Variants in SEMA3F observed in about 807,000 individuals in gnomAD.
SEMA3F encodes the protein semaphorin-3F.
SEMA3F carries 30 observed loss-of-function variants against 98.5 expected under a neutral mutation model. The observed-to-expected ratio is 0.30, with a 90% CI of 0.23 to 0.41. The LOEUF (loss-of-function observed/expected upper bound fraction) is 0.41, where lower values mean the gene tolerates loss of function less well. Ranked by LOEUF, SEMA3F falls within the 10% of genes least tolerant of loss-of-function variation. The probability of loss-of-function intolerance (pLI) is 1.00; values close to 1 mark genes in which losing one functional copy is unlikely to be tolerated. For synonymous variants in SEMA3F, 380 were observed against 444.8 expected (o/e 0.85, Z 1.83); for missense variants, 866 against 1,119.3 (o/e 0.77, Z 3.23).
At chr3:50,179,277 G>A (rs1286550388) in intron 7 of SEMA3F, among the ~76,000 whole-genome samples, 2 of 151,802 alleles carry the variant, frequency 1.3e-5, no homozygotes, top group African/African-American at 2.4e-5. Flanking sequence ...CTTGATAGCC[G>A]TGAAAATCCT....
rs749041584 is a variant in SEMA3F at position 50,187,857 on chromosome 3, C to T, written c.2100C>T (p.Asp700=). 6.2e-6 allele frequency: 10 copies of T among 1,613,204 alleles called. No individual in the cohort carries two copies. Among genetic ancestry groups the T allele is most frequent in the Middle Eastern group, 1.6e-4 (1 of 6,084 alleles). ...TGCAGCTGCATGTACTGGGCCGGGA[C>T]GCCGTCCATGCTGCCCTCTTCCCAC... The part of the protein sequence containing the change: ...TRVQLHVLGR[D]AVHAALFPPL... The change falls in exon 19 of 19, where the codon GAC becomes GAT. Residue 700 remains aspartate (D), a synonymous_variant. Transcript: ENST00000002829.
At chr3:50,170,144 A>C (rs1232951319) in intron 2 of SEMA3F, among the ~76,000 whole-genome samples, 2 of 152,130 alleles carry the variant, frequency 1.3e-5, no homozygotes, top group East Asian at 3.9e-4. Context: ...GAGTGGGGTC[A>C]GAAGTCCAGC....
Position 50,188,002 on chromosome 3 carries a change from T to C in SEMA3F, c.2245T>C (p.Tyr749His). 1.2e-6 allele frequency: 2 copies of C among 1,605,098 alleles called. No individual in the cohort carries two copies. Among genetic ancestry groups the C allele is most frequent in the South Asian group, 2.2e-5 (2 of 89,736 alleles). The change falls in exon 19 of 19, where the codon TAC (tyrosine) becomes CAC (histidine). Residue 749 changes from tyrosine to histidine, a missense_variant. By Grantham distance (83) the Tyr-to-His change is moderately conservative. Coordinates refer to ENST00000002829, the MANE Select transcript of SEMA3F (RefSeq NM_004186.5). The surrounding 1 kb of genome is among the most constrained non-coding windows in gnomAD (Gnocchi z 4.5). ...VGLIHQYCQG[Y>H]WRHVPPSPRE... ...CCTCATCCACCAGTACTGCCAGGGT[T>C]ACTGGCGCCATGTGCCCCCCAGCCC...
intron 2 of SEMA3F, among the ~76,000 whole-genome samples, chr3:50,160,468 G>A (rs530551573): frequency 2.6e-5 from 4 of 152,314 alleles, no homozygotes; most frequent in African/African-American, 9.6e-5. Flanking sequence ...ACAGGTGCAC[G>A]CACACGGTAC....
Position 50,158,413 on chromosome 3 carries a change from G to A in SEMA3F, c.-48-1162G>A, listed in dbSNP as rs376941020. ...CTTGGCAGGAGAGGCCAGGGCTGGG[G>A]GAGGTGGGTCTAGGGATGTCATCAG... On this transcript the variant is annotated intron_variant, in intron 1 of 18. Coordinates refer to ENST00000002829, the MANE Select transcript of SEMA3F (RefSeq NM_004186.5). The surrounding 1 kb of genome is among the most constrained non-coding windows in gnomAD (Gnocchi z 4.8). Among the ~76,000 whole-genome samples, 33 of 152,378 alleles carry A rather than the reference G, an allele frequency of 2.2e-4. No individual in the cohort carries two copies. The East Asian group carries it at 6.0e-3, about 28-fold the overall frequency.
rs997788756 is a variant in SEMA3F, at chr3:50,173,687, G to C, written c.113-106G>C. On this transcript the variant is annotated intron_variant, in intron 2 of 18. Coordinates refer to ENST00000002829, the MANE Select transcript of SEMA3F (RefSeq NM_004186.5). ...AAAGAAAAAAGACCACTCTGTGGTG[G>C]GGGTCCTGAGGGGAACCTCAGGGCC... 6.7e-5 allele frequency: 58 copies of C among 869,534 alleles called. 1 individual carries two copies. Among genetic ancestry groups the C allele is most frequent in the Non-Finnish European group, 9.8e-5 (54 of 550,342 alleles). The allele number at this position is 869,534 out of a possible 1,614,324, so 53.9% of individuals were successfully genotyped here. A position where few individuals can be genotyped will look rare whatever the true frequency, so the allele number is the denominator to read the frequency against.
At chr3:50,165,129 T>G (rs187468012) in intron 2 of SEMA3F, among the ~76,000 whole-genome samples, 45 of 152,080 alleles carry the variant, frequency 3.0e-4, no homozygotes, top group Non-Finnish European at 5.6e-4. Context: ...GGAGGAAAAT[T>G]CCTACCATGG....
intron 2 of SEMA3F, among the ~76,000 whole-genome samples, chr3:50,169,932 C>T (rs979144154): frequency 6.6e-6 from 1 of 152,182 alleles, no homozygotes; most frequent in Admixed American, 6.5e-5. Context: ...ACTTGCCCAC[C>T]CCCTGCTCTG....
Position 50,174,215 on chromosome 3 carries a change from T to C in SEMA3F, c.337-16T>C. On this transcript the variant is annotated splice_polypyrimidine_tract_variant and intron_variant, in intron 4 of 18. Coordinates refer to ENST00000002829, the MANE Select transcript of SEMA3F (RefSeq NM_004186.5). The stretch of plus-strand genomic sequence containing the variant: ...GCCTGGCCAGGGCACCTATGCAGCC[T>C]TCCCTGTGGCCCCAGGGCGAGTGTG... 7.4e-6 allele frequency: 12 copies of C among 1,613,674 alleles called. No individual in the cohort carries two copies. Among genetic ancestry groups the C allele is most frequent in the Non-Finnish European group, 1.0e-5 (12 of 1,179,872 alleles).
chr3:50,184,704 A>G lies in SEMA3F; in HGVS notation c.1346A>G (p.Gln449Arg). 1.7e-5 allele frequency: 27 copies of G among 1,614,150 alleles called. No homozygotes were observed. Among genetic ancestry groups the G allele is most frequent in the Non-Finnish European group, 2.1e-5 (25 of 1,179,968 alleles). Residue 449 changes from glutamine (Q) to arginine (R), a missense_variant, in exon 13 of 19, where the codon CAG (glutamine) becomes CGG (arginine). Around this residue, in one of 3 missense-constraint regions of SEMA3F, gnomAD observed 374 missense variants for 582.8 expected, o/e 0.64. Coordinates refer to ENST00000002829, the MANE Select transcript of SEMA3F (RefSeq NM_004186.5). ...ATGTACCAGGCCGTGTACCCTCTGCAGCGGCGGCCCCTGGTAGTCCGCACA... is the reference window on the plus strand; with the variant it reads ...ATGTACCAGGCCGTGTACCCTCTGCGGCGGCGGCCCCTGGTAGTCCGCACA... ...PLMYQAVYPLQRRPLVVRTGA... is the reference protein window; with the variant it reads ...PLMYQAVYPLRRRPLVVRTGA...
chr3:50,182,562 C>A lies in SEMA3F; in HGVS notation c.764-82C>A. The A allele has an allele frequency of 6.3e-7, 1 of 1,582,804 alleles. No homozygotes were observed. Among genetic ancestry groups the A allele is most frequent in the Non-Finnish European group, 8.6e-7 (1 of 1,159,806 alleles). ...TGGAGAGGAGTTGGGGGTGTTCTTGCACCTGGCTGGGGATTCTGTTGGAGA... is the reference window on the plus strand; with the variant it reads ...TGGAGAGGAGTTGGGGGTGTTCTTGAACCTGGCTGGGGATTCTGTTGGAGA... On this transcript the variant is annotated intron_variant, in intron 8 of 18. Transcript: ENST00000002829. The surrounding 1 kb of genome is among the most constrained non-coding windows in gnomAD (Gnocchi z 4.5).
In SEMA3F at chr3:50,182,622, A is replaced by G. The variant is rs758726197; in HGVS notation, c.764-22A>G. 1.2e-6 allele frequency: 2 copies of G among 1,608,218 alleles called. No individual in the cohort carries two copies. The highest frequency in any genetic ancestry group is 3.3e-5 in the Admixed American group (2 of 59,916). On this transcript the variant is annotated intron_variant, in intron 8 of 18. Transcript: ENST00000002829. This position sits in a 1 kb window ranked among gnomAD's most constrained non-coding sequence, Gnocchi z 4.5. ...GCACCATCAGAGTAGGGGCTCACCCAGCTGACCCCTGCCACCTGCAGACCC... is the reference window on the plus strand; with the variant it reads ...GCACCATCAGAGTAGGGGCTCACCCGGCTGACCCCTGCCACCTGCAGACCC...
rs1342922122 is a variant in SEMA3F at position 50,166,912 on chromosome 3, G to C, written c.113-6881G>C. On this transcript the variant is annotated intron_variant, in intron 2 of 18. Transcript: ENST00000002829. This position sits in a 1 kb window ranked among gnomAD's most constrained non-coding sequence, Gnocchi z 4.7. ...GGTCTGGAATGTGGGAGGAGGAGGT[G>C]GGTCCCCCGGGGGCCTCTGAAACTG... 1.3e-5 allele frequency among the ~76,000 whole-genome samples: 2 copies of C among 151,994 alleles called. No individual in the cohort carries two copies. The highest frequency in any genetic ancestry group is 4.8e-5 in the African/African-American group (2 of 41,372).
chr3:50,177,381 G>A (rs569534252), intron 7 of SEMA3F, among the ~76,000 whole-genome samples: 35 of 152,316 alleles, frequency 2.3e-4, no homozygotes, highest in Middle Eastern at 3.4e-3. Context: ...TCCTGCCGGG[G>A]TCTCAGGAGC....
chr3:50,164,024 A>G lies in SEMA3F; in HGVS notation c.112+4290A>G, dbSNP rs905819390. Among the ~76,000 whole-genome samples, 8 of 152,320 alleles carry G rather than the reference A, an allele frequency of 5.3e-5. No individual in the cohort carries two copies. The East Asian group carries it at 7.7e-4, about 15-fold the overall frequency. ...GGTCCTGGAAGCTGCACATCCCCCA[A>G]CTGGCTAGGAATTGGTCTTTGGAGA... On this transcript the variant is annotated intron_variant, in intron 2 of 18. Coordinates refer to ENST00000002829, the MANE Select transcript of SEMA3F (RefSeq NM_004186.5).
chr3:50,186,414 C>A (rs1699216893), intron 17 of SEMA3F, 66 bp downstream of exon 17: 2 of 1,535,446 alleles, frequency 1.3e-6, no homozygotes, highest in South Asian at 2.3e-5. Context: ...GCCCACGAAG[C>A]TGCTCACAGG....
At position 50,181,558 on chromosome 3, in the gene SEMA3F, A is replaced by G. The variant is rs1701779962; in HGVS notation, c.644-726A>G. On this transcript the variant is annotated intron_variant, in intron 7 of 18. Coordinates refer to ENST00000002829, the MANE Select transcript of SEMA3F (RefSeq NM_004186.5). ...AGGATGGTCTCGATCTCTTGACCTC[A>G]TGATCTGCCAGCCTTGGCCTCCCAA... 3.3e-5 allele frequency among the ~76,000 whole-genome samples: 5 copies of G among 151,346 alleles called. No homozygotes were observed. The South Asian group carries it at 1.0e-3, about 32-fold the overall frequency.
intron 2 of SEMA3F, among the ~76,000 whole-genome samples, chr3:50,160,996 CA>C (rs1225820990): frequency 6.6e-6 from 1 of 152,188 alleles, no homozygotes; most frequent in African/African-American, 2.4e-5. Context: ...CCCCGGGCCC[CA>C]GGAAGGTGAG....
chr3:50,184,504 A>G (rs1699136544), intron 12 of SEMA3F, 88 bp from the exon 13 acceptor site: 13 of 900,970 alleles, frequency 1.4e-5, no homozygotes, highest in South Asian at 1.0e-4. Context: ...TAGTGGGGAC[A>G]GACAGTGCAG....
Sources: gnomAD v4.1 joint callset for allele counts (sites outside exome capture counted in the v4.1 genomes callset) on GRCh38, gnomAD v4.1.1 for gene constraint, gnomAD v4.1.1 regional missense constraint, Gnocchi (gnomAD v3.1) non-coding constraint, MANE v1.5 for transcripts, NCBI Gene and HGNC (gene_info 2026-07-23, HGNC 2026-07-21) for gene names.